Variants in USP21 observed in about 807,000 individuals in gnomAD.
USP21 encodes ubiquitin specific peptidase 21.
Under a neutral mutation model 70.8 loss-of-function variants are expected in USP21, and 37 were observed. The observed-to-expected ratio is 0.52, with a 90% CI of 0.40 to 0.69. USP21 has a LOEUF of 0.69. Ranked by LOEUF, USP21 falls within the 30% of genes least tolerant of loss-of-function variation. The pLI, the probability that USP21 is intolerant of heterozygous loss-of-function variation, is 0.00. For missense variants in USP21, 584 were observed against 740.8 expected (o/e 0.79, Z 2.46); for synonymous variants, 263 against 283.1 (o/e 0.93, Z 0.71).
chr1:161,165,207 T>C (rs1658510021), intron 13 of USP21, 64 bp downstream of exon 13: 1 of 1,505,222 alleles, frequency 6.6e-7, no homozygotes, highest in Non-Finnish European at 9.2e-7. Flanking sequence ...CCTCCCCTTC[T>C]ATGAAGCTCC....
At position 161,163,773 on chromosome 1, in the gene USP21, G is replaced by C; in HGVS notation, c.1115-105G>C. The C allele has an allele frequency of 2.2e-6, 3 of 1,342,058 alleles. No individual in the cohort carries two copies. In the South Asian group the frequency reaches 3.6e-5, roughly 16 times the overall value. 83.1% of individuals were successfully genotyped at this position (1,342,058 alleles called of 1,614,324 possible). On this transcript the variant is annotated intron_variant, in intron 8 of 13. Transcript: ENST00000368002. ...GAGTTGATTAGGAGTGTTGGTAGTG[G>C]GAAAGGAAGGGTCAAGCAAAGGGGC...
In USP21 at chr1:161,165,017, C is replaced by T; in HGVS notation, c.1493-12C>T. 1.9e-6 allele frequency: 3 copies of T among 1,613,918 alleles called. No individual in the cohort carries two copies. Among genetic ancestry groups the T allele is most frequent in the Non-Finnish European group, 2.5e-6 (3 of 1,179,856 alleles). The stretch of plus-strand genomic sequence containing the variant: ...CTCTGATTATAGAACTTGATCATCT[C>T]CAACCCCGCAGGAAGTCCTGTATAC... On this transcript the variant is annotated splice_polypyrimidine_tract_variant and intron_variant, in intron 12 of 13. Transcript: ENST00000368002.
rs1127525 is a variant in USP21 at position 161,163,031 on chromosome 1, C to A, written c.1006C>A (p.Pro336Thr). Reference sequence around the variant, plus strand: ...ACTTGCCAATGGTCCAGTTCCCTCTCCACCCCGCCGAGGAGGGGCTCTGCT... The same window carrying A: ...ACTTGCCAATGGTCCAGTTCCCTCTACACCCCGCCGAGGAGGGGCTCTGCT... Reference protein sequence around the residue: ...PILANGPVPSPPRRGGALLEE... With the variant: ...PILANGPVPSTPRRGGALLEE... Residue 336 changes from proline (P) to threonine (T), a missense_variant, in exon 7 of 14, where the codon CCA becomes ACA. Physicochemically the swap from Pro to Thr is conservative, Grantham distance 38. Transcript: ENST00000368002. The A allele has an allele frequency of 0.036, 57,496 of 1,613,184 alleles. 1,203 individuals are homozygous for A. Among genetic ancestry groups the A allele is most frequent in the Non-Finnish European group, 0.041 (48,436 of 1,179,694 alleles).
At position 161,161,706 on chromosome 1, in the gene USP21, G is replaced by T; in HGVS notation, c.601-332G>T. Reference sequence around the variant, plus strand: ...CCACGGGGGCAGGAGGGGGTTTTGGGGGCAGAAAGGTGGGAGTGGTGAGCA... The same window carrying T: ...CCACGGGGGCAGGAGGGGGTTTTGGTGGCAGAAAGGTGGGAGTGGTGAGCA... On this transcript the variant is annotated intron_variant, in intron 3 of 13. Coordinates refer to ENST00000368002, the MANE Select transcript of USP21 (RefSeq NM_001014443.3). The surrounding 1 kb of genome is among the most constrained non-coding windows in gnomAD (Gnocchi z 4.2). 2.2e-6 allele frequency: 1 copy of T among 452,920 alleles called. No individual in the cohort carries two copies. 28.1% of individuals were successfully genotyped at this position (452,920 alleles called of 1,614,324 possible). A position where few individuals can be genotyped will look rare whatever the true frequency, so the allele number is the denominator to read the frequency against.
chr1:161,161,754 G>T lies in USP21; in HGVS notation c.601-284G>T. ...GCAGCTGGGCAACCATGCCGGTGCT[G>T]GGGGAGTTGCCCCAGGAGCTGCAAC... On this transcript the variant is annotated intron_variant, in intron 3 of 13. Transcript: ENST00000368002. This position sits in a 1 kb window ranked among gnomAD's most constrained non-coding sequence, Gnocchi z 4.2. The T allele has an allele frequency of 1.9e-6, 1 of 515,640 alleles. No homozygotes were observed. Among genetic ancestry groups the T allele is most frequent in the East Asian group, 3.3e-5 (1 of 30,316 alleles). 31.9% of individuals were successfully genotyped at this position (515,640 alleles called of 1,614,324 possible).
intron 1 of USP21, 60 bp downstream of exon 1, chr1:161,159,738 C>T (rs916651608): frequency 6.6e-6 from 1 of 152,370 alleles, no homozygotes; most frequent in Non-Finnish European, 1.5e-5. Context: ...GAAGACTGCT[C>T]CAGACCCGAG....
Position 161,161,815 on chromosome 1 carries a change from G to T in USP21, c.601-223G>T. 1.7e-6 allele frequency: 1 copy of T among 583,476 alleles called. No individual in the cohort carries two copies. The highest frequency in any genetic ancestry group is 3.1e-6 in the Non-Finnish European group (1 of 324,614). The allele number at this position is 583,476 out of a possible 1,614,324, so 36.1% of individuals were successfully genotyped here. On this transcript the variant is annotated intron_variant, in intron 3 of 13. Coordinates refer to ENST00000368002, the MANE Select transcript of USP21 (RefSeq NM_001014443.3). This position sits in a 1 kb window ranked among gnomAD's most constrained non-coding sequence, Gnocchi z 4.2. ...TGAGCAGAGGAGTAAGTGGGCAACA[G>T]GTGGGACAGCCATGGCTGAGTCCGT...
In USP21 at chr1:161,162,563, G is replaced by C. The variant is rs1658012801; in HGVS notation, c.782-52G>C. The C allele has an allele frequency of 6.5e-7, 1 of 1,540,490 alleles. No individual in the cohort carries two copies. The highest frequency in any genetic ancestry group is 9.0e-7 in the Non-Finnish European group (1 of 1,114,584). ...CTACCCTCTGAGCCACCTTTTGCTTGCCTCTTCCAGACATTAACCTTTGTT... is the reference window on the plus strand; with the variant it reads ...CTACCCTCTGAGCCACCTTTTGCTTCCCTCTTCCAGACATTAACCTTTGTT... On this transcript the variant is annotated intron_variant, in intron 5 of 13. Coordinates refer to ENST00000368002, the MANE Select transcript of USP21 (RefSeq NM_001014443.3). The surrounding 1 kb of genome is among the most constrained non-coding windows in gnomAD (Gnocchi z 4.1).
At position 161,162,863 on chromosome 1, in the gene USP21, T is replaced by C. The variant is rs1658045449; in HGVS notation, c.894-56T>C. The stretch of plus-strand genomic sequence containing the variant: ...TGGGGACCAATATCTGGGCAGGGAA[T>C]AGTGTCTGTGGACTAGGAGAGGAGT... On this transcript the variant is annotated intron_variant, in intron 6 of 13. Coordinates refer to ENST00000368002, the MANE Select transcript of USP21 (RefSeq NM_001014443.3). This position sits in a 1 kb window ranked among gnomAD's most constrained non-coding sequence, Gnocchi z 4.1. The C allele has an allele frequency of 9.4e-6, 15 of 1,595,748 alleles. No individual in the cohort carries two copies. The highest frequency in any genetic ancestry group is 1.3e-5 in the Non-Finnish European group (15 of 1,167,344).
chr1:161,165,316 A>G (rs1308966493), intron 13 of USP21, 41 bp from the exon 14 acceptor site: 10 of 1,583,732 alleles, frequency 6.3e-6, no homozygotes, highest in South Asian at 1.1e-5. Context: ...GGGAGTAAAC[A>G]GGAATGACCA....
In USP21 at chr1:161,161,685, G is replaced by A. The variant is rs1263942503; in HGVS notation, c.601-353G>A. 1.6e-5 allele frequency: 7 copies of A among 425,334 alleles called. No individual in the cohort carries two copies. Among genetic ancestry groups the A allele is most frequent in the African/African-American group, 7.9e-5 (4 of 50,318 alleles). 26.3% of individuals were successfully genotyped at this position (425,334 alleles called of 1,614,324 possible). On this transcript the variant is annotated intron_variant, in intron 3 of 13. Coordinates refer to ENST00000368002, the MANE Select transcript of USP21 (RefSeq NM_001014443.3). The surrounding 1 kb of genome is among the most constrained non-coding windows in gnomAD (Gnocchi z 4.2). ...CAGGAGAAGGGCAAGAAGGGGCCAC[G>A]GGGGCAGGAGGGGGTTTTGGGGGCA...
Position 161,164,092 on chromosome 1 carries a change from G to T in USP21, c.1219-72G>T. 6.3e-7 allele frequency: 1 copy of T among 1,591,700 alleles called. No homozygotes were observed. Among genetic ancestry groups the T allele is most frequent in the Non-Finnish European group, 8.6e-7 (1 of 1,160,136 alleles). On this transcript the variant is annotated intron_variant, in intron 9 of 13. Transcript: ENST00000368002. This position sits in a 1 kb window ranked among gnomAD's most constrained non-coding sequence, Gnocchi z 4.2. ...TGTGGGTTTCTGGAGCAGAACTGAA[G>T]CCTGGATTGATTGAGAAGAGTTGGA... is the stretch of plus-strand genomic sequence containing the variant.
chr1:161,164,606 G>A lies in USP21; in HGVS notation c.1378G>A (p.Val460Met), dbSNP rs1014252597. 2.5e-6 allele frequency: 4 copies of A among 1,614,096 alleles called. No homozygotes were observed. The highest frequency in any genetic ancestry group is 2.2e-5 in the East Asian group (1 of 44,886). The stretch of plus-strand genomic sequence containing the variant: ...AGTACAAAGATTCCCTCGAATCCTC[G>A]TGCTCCATATCCTAATCTTCAGATT... Reference protein sequence around the residue: ...LTVQRFPRILVLHLNRFSASR... With the variant: ...LTVQRFPRILMLHLNRFSASR... The change falls in exon 11 of 14, where the codon GTG becomes ATG. Residue 460 changes from valine (V) to methionine (M), a missense_variant. By Grantham distance (21) the Val-to-Met change is conservative. Transcript: ENST00000368002. The surrounding 1 kb of genome is among the most constrained non-coding windows in gnomAD (Gnocchi z 4.2).
rs1657908968 is a variant in USP21 at position 161,161,255 on chromosome 1, C to G, written c.600+15C>G. On this transcript the variant is annotated intron_variant, in intron 3 of 13. Transcript: ENST00000368002. This position sits in a 1 kb window ranked among gnomAD's most constrained non-coding sequence, Gnocchi z 4.2. ...ATGACAAGATGGTGAGGACTTGCCACACACATGGCCTTCATGCCCATGTTC... is the reference window on the plus strand; with the variant it reads ...ATGACAAGATGGTGAGGACTTGCCAGACACATGGCCTTCATGCCCATGTTC... The G allele has an allele frequency of 1.3e-6, 2 of 1,568,876 alleles. No individual in the cohort carries two copies. Among genetic ancestry groups the G allele is most frequent in the Admixed American group, 3.5e-5 (2 of 57,114 alleles).
Position 161,163,883 on chromosome 1 carries a change from T to C in USP21, c.1120T>C (p.Phe374Leu). ...GTCCCTGTGCTTCTGTCTAGACCTGTTTGTGGGCCAGTTGAAAAGTTGTCT... is the reference window on the plus strand; with the variant it reads ...GTCCCTGTGCTTCTGTCTAGACCTGCTTGTGGGCCAGTTGAAAAGTTGTCT... ...EREDSKIVDL[F>L]VGQLKSCLKC... The change falls in exon 9 of 14, where the codon TTT (phenylalanine) becomes CTT (leucine). Residue 374 changes from phenylalanine to leucine, a missense_variant. Phe to Leu is a conservative substitution (Grantham distance 22). Transcript: ENST00000368002. The C allele has an allele frequency of 6.2e-7, 1 of 1,613,992 alleles. No homozygotes were observed.
At position 161,161,032 on chromosome 1, in the gene USP21, G is replaced by A. The variant is rs762124989; in HGVS notation, c.392G>A (p.Gly131Asp). 1 of 1,614,214 alleles carries A rather than the reference G, an allele frequency of 6.2e-7. No homozygotes were observed. Residue 131 changes from glycine to aspartate, a missense_variant, in exon 3 of 14, where the codon GGC becomes GAC. Transcript: ENST00000368002. The surrounding 1 kb of genome is among the most constrained non-coding windows in gnomAD (Gnocchi z 4.2). The stretch of plus-strand genomic sequence containing the variant: ...GGGATTGCCTTGGGAGGGCACCGTG[G>A]CACCGGAGAGCTTGGGGCTGCACTG... ...PMGIALGGHR[G>D]TGELGAALSR...
In USP21 at chr1:161,159,660, C is replaced by G. The variant is rs556790397; in HGVS notation, c.-181C>G. 7.2e-5 allele frequency: 11 copies of G among 152,320 alleles called. No individual in the cohort carries two copies. In the South Asian group the frequency reaches 2.3e-3, roughly 32 times the overall value. The allele number at this position is 152,320 out of a possible 1,614,324, so 9.4% of individuals were successfully genotyped here. Reference sequence around the variant, plus strand: ...GCCTGGCCCTGGCTGGCCTCTCCCGCCGCCTCACTGGGGGACAGGTACGGG... The same window carrying G: ...GCCTGGCCCTGGCTGGCCTCTCCCGGCGCCTCACTGGGGGACAGGTACGGG... On this transcript the variant is annotated 5_prime_UTR_variant, in exon 1 of 14. Coordinates refer to ENST00000368002, the MANE Select transcript of USP21 (RefSeq NM_001014443.3).
In USP21 at chr1:161,162,055, T is replaced by G; in HGVS notation, c.618T>G (p.Leu206=). 1 of 1,614,066 alleles carries G rather than the reference T, an allele frequency of 6.2e-7. No homozygotes were observed. The highest frequency in any genetic ancestry group is 8.5e-7 in the Non-Finnish European group (1 of 1,179,984). Residue 206 remains leucine, a synonymous_variant, in exon 4 of 14, where the codon CTT becomes CTG. Transcript: ENST00000368002. This position sits in a 1 kb window ranked among gnomAD's most constrained non-coding sequence, Gnocchi z 4.1. ...SDDKMAHHTL[L]LGSGHVGLRN... ...CCTTCCAGGCTCATCACACACTCCTTCTGGGCTCTGGTCATGTTGGCCTTC... is the reference window on the plus strand; with the variant it reads ...CCTTCCAGGCTCATCACACACTCCTGCTGGGCTCTGGTCATGTTGGCCTTC...
At chr1:161,163,445 A>C in intron 7 of USP21, 110 bp from the exon 8 acceptor site, 1 of 941,120 alleles carries the variant, frequency 1.1e-6, no homozygotes, top group Non-Finnish European at 1.7e-6. Flanking sequence ...GGGAAGGAGC[A>C]GGGGTGTGGA....
Sources: gnomAD v4.1 joint callset for allele counts on GRCh38, gnomAD v4.1.1 for gene constraint, Gnocchi (gnomAD v3.1) non-coding constraint, MANE v1.5 for transcripts, NCBI Gene and HGNC (gene_info 2026-07-23, HGNC 2026-07-21) for gene names.